RIMBP2: variants seen among roughly 807,000 people sequenced by gnomAD.
RIMBP2 encodes the protein RIMS binding protein 2.
Under a neutral mutation model 118.6 loss-of-function variants are expected in RIMBP2, and 48 were observed. The ratio of observed to expected loss-of-function variants is 0.40; its 90% CI spans 0.32 to 0.51. The LOEUF (loss-of-function observed/expected upper bound fraction) is 0.51. Among genes scored for constraint, RIMBP2 ranks in the 20% least tolerant of loss-of-function variants. RIMBP2 has a pLI of 0.41. For synonymous variants in RIMBP2, 762 were observed against 742.9 expected (o/e 1.03, Z -0.42); for missense variants, 1,551 against 1,768.3 (o/e 0.88, Z 2.20).
In RIMBP2 at chr12:130,610,551, C is replaced by CTTTTTTTTTT. The variant is rs386378269; in HGVS notation, c.-217+17761_-217+17770dup. 3.4e-4 allele frequency among the ~76,000 whole-genome samples: 28 copies of CTTTTTTTTTT among 81,566 alleles called. 3 individuals are homozygous for CTTTTTTTTTT. Among genetic ancestry groups the CTTTTTTTTTT allele is most frequent in the African/African-American group, 1.2e-3 (26 of 21,582 alleles). 53.5% of individuals were successfully genotyped at this position (81,566 alleles called of 152,430 possible). A position where few individuals can be genotyped will look rare whatever the true frequency, so the allele number is the denominator to read the frequency against. ...GTGACTCATCAAAGTAATTTTCCTG[C>CTTTTTTTTTT]TTTTTTTTTTTTTTTTTTTTTTTTT... is the stretch of plus-strand genomic sequence containing the variant. On this transcript the variant is annotated intron_variant, in intron 2 of 22. Transcript: ENST00000690449.
In RIMBP2 at chr12:130,434,646, G is replaced by C; in HGVS notation, c.2253+88C>G. 7.2e-7 allele frequency: 1 copy of C among 1,388,498 alleles called. No individual in the cohort carries two copies. The highest frequency in any genetic ancestry group is 9.6e-7 in the Non-Finnish European group (1 of 1,040,942). The allele number at this position is 1,388,498 out of a possible 1,614,324, so 86.0% of individuals were successfully genotyped here. On this transcript the variant is annotated intron_variant, in intron 14 of 22. Transcript: ENST00000690449. The surrounding 1 kb of genome is among the most constrained non-coding windows in gnomAD (Gnocchi z 5.7). ...CTCTCAGGGACCCAAGGGTAGCGGG[G>C]AAAGTGCCCATGTCTCTTGATCTCC...
Position 130,621,809 on chromosome 12 carries a change from C to T in RIMBP2, c.-217+6513G>A, listed in dbSNP as rs1488298748. ...TTGCCAAACACATTTGTACTCTACCCTTTTACTGCCCTTGAAGGTAAACCT... is the reference window on the plus strand; with the variant it reads ...TTGCCAAACACATTTGTACTCTACCTTTTTACTGCCCTTGAAGGTAAACCT... On this transcript the variant is annotated intron_variant, in intron 2 of 22. Transcript: ENST00000690449. The surrounding 1 kb of genome is among the most constrained non-coding windows in gnomAD (Gnocchi z 6.6). Among the ~76,000 whole-genome samples the T allele has an allele frequency of 1.3e-5, 2 of 152,146 alleles. No individual in the cohort carries two copies. Among genetic ancestry groups the T allele is most frequent in the Non-Finnish European group, 2.9e-5 (2 of 68,046 alleles).
At chr12:130,566,231 G>A (rs1402680980) in intron 2 of RIMBP2, among the ~76,000 whole-genome samples, 1 of 151,958 alleles carries the variant, frequency 6.6e-6, no homozygotes, top group African/African-American at 2.4e-5. Flanking sequence ...CTAAAACATA[G>A]CAGGTGTTTG....
chr12:130,524,997 G>T (rs925175654), intron 2 of RIMBP2, among the ~76,000 whole-genome samples: 4 of 152,310 alleles, frequency 2.6e-5, no homozygotes, highest in East Asian at 1.9e-4. Flanking sequence ...CAGGGGACAG[G>T]TCCCCACATG....
intron 1 of RIMBP2, among the ~76,000 whole-genome samples, chr12:130,636,387 T>G (rs962350249): frequency 4.6e-5 from 7 of 152,144 alleles, no homozygotes; most frequent in Non-Finnish European, 8.8e-5. Flanking sequence ...GTTGTATGTA[T>G]CTTATTTACC....
At chr12:130,456,778 T>C in intron 6 of RIMBP2, 78 bp from the exon 7 acceptor site, 1 of 1,121,084 alleles carries the variant, frequency 8.9e-7, no homozygotes. Context: ...TCACATGTGT[T>C]GTACGTGTGC....
chr12:130,655,526 C>T, intron 1 of RIMBP2, among the ~76,000 whole-genome samples: 1 of 152,020 alleles, frequency 6.6e-6, no homozygotes, highest in East Asian at 1.9e-4. Context: ...TAGAACAGGC[C>T]CCAAACCATT....
At chr12:130,698,159 A>G (rs1374869458) in intron 1 of RIMBP2, among the ~76,000 whole-genome samples, 1 of 152,156 alleles carries the variant, frequency 6.6e-6, no homozygotes, top group East Asian at 1.9e-4. Context: ...CAGCAGAGTA[A>G]CAGACCCCAG....
chr12:130,428,710 G>C (rs1025617178), intron 14 of RIMBP2: 1 of 177,770 alleles, frequency 5.6e-6, no homozygotes, highest in Non-Finnish European at 1.2e-5. Context: ...CTCTGGTGAC[G>C]GTGGGGATCA....
chr12:130,562,639 T>C (rs76931076), intron 2 of RIMBP2, among the ~76,000 whole-genome samples: 1,623 of 152,262 alleles, frequency 0.011, 27 homozygotes, highest in African/African-American at 0.035. Flanking sequence ...ACATCCCCTA[T>C]CCAGGACCAA....
chr12:130,637,455 G>A (rs1185276987), intron 1 of RIMBP2, among the ~76,000 whole-genome samples: 1 of 152,252 alleles, frequency 6.6e-6, no homozygotes, highest in Non-Finnish European at 1.5e-5. Flanking sequence ...CAATGCTTTA[G>A]TGTAATTAGT....
chr12:130,650,048 G>A lies in RIMBP2; in HGVS notation c.-351-21592C>T, dbSNP rs146840849. ...AAGCTGAAAAAAAAAAACCAAACCT[G>A]AGGACCTGCTCCTCCAGTGTGGGGT... is the stretch of plus-strand genomic sequence containing the variant. On this transcript the variant is annotated intron_variant, in intron 1 of 22. Transcript: ENST00000690449. Among the ~76,000 whole-genome samples, 104 of 151,964 alleles carry A rather than the reference G, an allele frequency of 6.8e-4. 1 individual carries two copies. The highest frequency in any genetic ancestry group is 1.5e-3 in the Admixed American group (23 of 15,296).
chr12:130,667,904 C>G (rs1464294277), intron 1 of RIMBP2: 2 of 152,234 alleles, frequency 1.3e-5, no homozygotes, highest in African/African-American at 4.8e-5. Context: ...GGGACCCTCC[C>G]TCAGACCTGG....
At chr12:130,414,349 A>G in intron 17 of RIMBP2, 43 bp from the exon 18 acceptor site, 1 of 1,522,390 alleles carries the variant, frequency 6.6e-7, no homozygotes, top group Non-Finnish European at 8.8e-7. Flanking sequence ...CAGTGAGCCT[A>G]ACTGAGGAGC....
chr12:130,613,884 C>G (rs1315384141), intron 2 of RIMBP2, among the ~76,000 whole-genome samples: 1 of 152,006 alleles, frequency 6.6e-6, no homozygotes, highest in Non-Finnish European at 1.5e-5. Flanking sequence ...TTCTTCCTGC[C>G]TGGGATGCAG....
At chr12:130,557,197 A>C (rs1593787647) in intron 2 of RIMBP2, among the ~76,000 whole-genome samples, 1 of 152,024 alleles carries the variant, frequency 6.6e-6, no homozygotes, top group African/African-American at 2.4e-5. Flanking sequence ...AGGGTAAAGC[A>C]CCTACAGGCC....
chr12:130,405,261 G>A (rs901045979), intron 21 of RIMBP2, among the ~76,000 whole-genome samples: 4 of 152,150 alleles, frequency 2.6e-5, no homozygotes, highest in African/African-American at 9.7e-5. Flanking sequence ...TGAAACACAT[G>A]TGACAAAGTA....
chr12:130,489,521 C>T (rs1428459329), intron 4 of RIMBP2, among the ~76,000 whole-genome samples: 1 of 152,140 alleles, frequency 6.6e-6, no homozygotes, highest in Non-Finnish European at 1.5e-5. Context: ...GATTTCTACC[C>T]CTCTCTCTGC....
rs556999161 is a variant in RIMBP2, at chr12:130,522,795, T to A, written c.-216-4878A>T. ...TGCCTGCTGTGGACTGAATTGCATC[T>A]CCCCAAATTCGTACTTTGAAGCCCT... On this transcript the variant is annotated intron_variant, in intron 2 of 22. Coordinates refer to ENST00000690449, the MANE Select transcript of RIMBP2 (RefSeq NM_001393629.1). Among the ~76,000 whole-genome samples, 8 of 152,178 alleles carry A rather than the reference T, an allele frequency of 5.3e-5. 1 individual carries two copies. The East Asian group carries it at 1.5e-3, about 29-fold the overall frequency.
Sources: gnomAD v4.1 joint callset for allele counts (sites outside exome capture counted in the v4.1 genomes callset) on GRCh38, gnomAD v4.1.1 for gene constraint, Gnocchi (gnomAD v3.1) non-coding constraint, MANE v1.5 for transcripts, NCBI Gene and HGNC (gene_info 2026-07-23, HGNC 2026-07-21) for gene names.